The following GRIN2A variants were observed in gnomAD, a reference collection of about 807,000 sequenced individuals.
GRIN2A encodes glutamate receptor ionotropic, NMDA 2A.
Under a neutral mutation model 113.4 loss-of-function variants are expected in GRIN2A, and 22 were observed. The observed-to-expected ratio is 0.19, with a 90% CI of 0.14 to 0.28. GRIN2A has a LOEUF of 0.28. GRIN2A is among the 10% of genes least tolerant of loss of function. The probability of loss-of-function intolerance (pLI) is 1.00; values close to 1 mark genes in which losing one functional copy is unlikely to be tolerated. For missense variants in GRIN2A, 1,502 were observed against 1,887.0 expected, an observed-to-expected ratio of 0.80 and a Z score of 3.78; for synonymous variants, 827 against 738.4, an observed-to-expected ratio of 1.12 and a Z score of -1.94.
chr16:9,814,678 C>G (rs2042152679), intron 10 of GRIN2A, among the ~76,000 whole-genome samples: 1 of 152,130 alleles, frequency 6.6e-6, no homozygotes, highest in Non-Finnish European at 1.5e-5. Context: ...ACTAACCTCT[C>G]AAAGACATGG....
At chr16:9,795,332 C>T (rs183491299) in intron 11 of GRIN2A, among the ~76,000 whole-genome samples, 95 of 152,252 alleles carry the variant, frequency 6.2e-4, no homozygotes, top group African/African-American at 2.1e-3. Flanking sequence ...CCCACCAGCG[C>T]CATGACAGTT....
intron 3 of GRIN2A, among the ~76,000 whole-genome samples, chr16:9,919,666 G>A (rs1195688996): frequency 6.6e-6 from 1 of 152,196 alleles, no homozygotes; most frequent in Non-Finnish European, 1.5e-5. Flanking sequence ...GGTCACTGCA[G>A]TACCTTACTT....
chr16:9,852,465 C>T (rs904817124), intron 4 of GRIN2A, among the ~76,000 whole-genome samples: 1 of 152,190 alleles, frequency 6.6e-6, no homozygotes, highest in South Asian at 2.1e-4. Flanking sequence ...AACGCTCGCT[C>T]ATGGAGAGAA....
intron 3 of GRIN2A, among the ~76,000 whole-genome samples, chr16:9,922,623 G>A (rs912610866): frequency 1.3e-5 from 2 of 152,184 alleles, no homozygotes; most frequent in Non-Finnish European, 2.9e-5. Context: ...AGAGCCAAAT[G>A]TCCCTGTGAC....
At chr16:10,085,308 C>T (rs563875925) in intron 2 of GRIN2A, among the ~76,000 whole-genome samples, 35 of 152,238 alleles carry the variant, frequency 2.3e-4, no homozygotes, top group Non-Finnish European at 3.8e-4. Flanking sequence ...TTTATGCTAA[C>T]AGAATGGCTA....
chr16:10,043,980 T>TAC (rs1483291818), intron 2 of GRIN2A, among the ~76,000 whole-genome samples: 1 of 144,068 alleles, frequency 6.9e-6, no homozygotes, highest in African/African-American at 2.6e-5. Context: ...CACATATATA[T>TAC]ATACACATAC....
chr16:9,775,635 A>G (rs1322138865), intron 11 of GRIN2A, among the ~76,000 whole-genome samples: 2 of 152,234 alleles, frequency 1.3e-5, no homozygotes, highest in African/African-American at 4.8e-5. Flanking sequence ...GAAGGGATCA[A>G]AGGAGGAGCC....
intron 2 of GRIN2A, among the ~76,000 whole-genome samples, chr16:10,072,624 T>G (rs1255300882): frequency 6.6e-6 from 1 of 152,100 alleles, no homozygotes; most frequent in East Asian, 1.9e-4. Flanking sequence ...TAAGTTTGGG[T>G]GGGTAGGCTT....
At chr16:9,786,283 C>T (rs948460791) in intron 11 of GRIN2A, among the ~76,000 whole-genome samples, 1 of 152,172 alleles carries the variant, frequency 6.6e-6, no homozygotes, top group African/African-American at 2.4e-5. Flanking sequence ...CTCTTAATTA[C>T]ATTCTGTCCT....
intron 4 of GRIN2A, among the ~76,000 whole-genome samples, chr16:9,883,409 C>T (rs1424645871): frequency 2.0e-5 from 3 of 152,114 alleles, no homozygotes; most frequent in Admixed American, 2.0e-4. Context: ...GCAAACAATG[C>T]CAAAGCAAGC....
chr16:10,138,134 T>G (rs1341809018), intron 2 of GRIN2A, among the ~76,000 whole-genome samples: 1 of 152,248 alleles, frequency 6.6e-6, no homozygotes, highest in Non-Finnish European at 1.5e-5. Flanking sequence ...TTAAAGGCTC[T>G]GTAGATAATG....
chr16:9,795,690 C>G (rs968355262), intron 11 of GRIN2A, among the ~76,000 whole-genome samples: 29 of 152,170 alleles, frequency 1.9e-4, no homozygotes, highest in Admixed American at 1.9e-3. Context: ...TACATGTATT[C>G]TCCCATTTCA....
At chr16:9,926,062 G>A (rs1333476475) in intron 3 of GRIN2A, among the ~76,000 whole-genome samples, 1 of 152,084 alleles carries the variant, frequency 6.6e-6, no homozygotes, top group South Asian at 2.1e-4. Context: ...CACCCCACCA[G>A]AGCAAATATT....
intron 2 of GRIN2A, among the ~76,000 whole-genome samples, chr16:10,177,922 A>T (rs2050182476): frequency 6.6e-6 from 1 of 152,100 alleles, no homozygotes; most frequent in African/African-American, 2.4e-5. Context: ...CCTGAGCCAC[A>T]CACCTATCGA....
chr16:9,778,736 C>T (rs1901759666), intron 11 of GRIN2A, among the ~76,000 whole-genome samples: 1 of 152,154 alleles, frequency 6.6e-6, no homozygotes, highest in Admixed American at 6.5e-5. Flanking sequence ...TATCCATGAC[C>T]AGGGGATCTC....
At chr16:10,021,186 C>A (rs1301495893) in intron 2 of GRIN2A, among the ~76,000 whole-genome samples, 1 of 152,178 alleles carries the variant, frequency 6.6e-6, no homozygotes, top group Non-Finnish European at 1.5e-5. Flanking sequence ...CCCTAAGCAG[C>A]CTGTACCTTC....
At chr16:9,956,229 T>C (rs2045307090) in intron 2 of GRIN2A, among the ~76,000 whole-genome samples, 1 of 152,216 alleles carries the variant, frequency 6.6e-6, no homozygotes, top group Non-Finnish European at 1.5e-5. Flanking sequence ...GTGTTTTCTG[T>C]TTTTGTTTCT....
At position 10,092,662 on chromosome 16, in the gene GRIN2A, C is replaced by G. The variant is rs544820602; in HGVS notation, c.414+87336G>C. ...CTCTATGAGGTCAGTTCTATTTTAT[C>G]CCTTTTAACAAATAAGTAAACTAGA... On this transcript the variant is annotated intron_variant, in intron 2 of 12. Transcript: ENST00000330684. Among the ~76,000 whole-genome samples the G allele has an allele frequency of 5.0e-4, 76 of 152,044 alleles. 1 individual carries two copies. Among genetic ancestry groups the G allele is most frequent in the Admixed American group, 9.2e-4 (14 of 15,260 alleles).
At chr16:9,940,055 A>AGTGT (rs1232090521) in intron 2 of GRIN2A, among the ~76,000 whole-genome samples, 9 of 142,774 alleles carry the variant, frequency 6.3e-5, no homozygotes, top group African/African-American at 2.4e-4. Flanking sequence ...AGAGAGAGAG[A>AGTGT]GAGAGAGTGT....
Sources: allele counts gnomAD v4.1 joint callset (sites outside exome capture counted in the v4.1 genomes callset), GRCh38; gene constraint gnomAD v4.1.1; transcripts MANE v1.5; gene names NCBI Gene and HGNC (gene_info 2026-07-23, HGNC 2026-07-21).